Variants in TOMM34 observed in about 807,000 individuals in gnomAD.
The protein encoded by TOMM34 is mitochondrial import receptor subunit TOM34.
In TOMM34, 24 loss-of-function variants were observed where a neutral mutation model predicts 37.4. The observed-to-expected ratio is 0.64, with a 90% confidence interval of 0.46 to 0.90. The LOEUF is 0.90. Among genes scored for constraint, TOMM34 ranks in the 40% least tolerant of loss-of-function variants. The pLI, the probability that TOMM34 is intolerant of heterozygous loss-of-function variation, is 0.00. For synonymous variants in TOMM34, 154 were observed against 148.9 expected, an observed-to-expected ratio of 1.03 and a Z score of -0.25; for missense variants, 304 against 375.6, an observed-to-expected ratio of 0.81 and a Z score of 1.58.
chr20:44,960,008 T>C (rs2067111135), intron 1 of TOMM34, 199 bp downstream of exon 1: 3 of 984,508 alleles, frequency 3.0e-6, no homozygotes, highest in Admixed American at 6.2e-5. Flanking sequence ...CTAAATAACT[T>C]AGGATGGGGG....
intron 5 of TOMM34, among the ~76,000 whole-genome samples, chr20:44,947,223 C>A (rs565865032): frequency 6.6e-6 from 1 of 152,142 alleles, no homozygotes; most frequent in Non-Finnish European, 1.5e-5. Context: ...CAAATTGTGG[C>A]CCCTCTGGTC....
Position 44,956,391 on chromosome 20 carries a change from G to A in TOMM34, c.222C>T (p.Cys74=), listed in dbSNP as rs1272492825. ...DGNCRDCIKD[C]TSALALVPFS... ...AATTACCCTTGGCCACTTACGAAGTGCAATCTTTGATGCAGTCTCTGCAGT... is the reference window on the plus strand; with the variant it reads ...AATTACCCTTGGCCACTTACGAAGTACAATCTTTGATGCAGTCTCTGCAGT... Residue 74 remains cysteine, a synonymous_variant, in exon 2 of 7, where the codon TGC becomes TGT. Transcript: ENST00000372813. 6.2e-7 allele frequency: 1 copy of A among 1,614,024 alleles called. No individual in the cohort carries two copies. The highest frequency in any genetic ancestry group is 1.7e-5 in the Admixed American group (1 of 60,012).
chr20:44,959,892 T>C (rs1427809428), intron 1 of TOMM34: 1 of 982,124 alleles, frequency 1.0e-6, no homozygotes, highest in East Asian at 1.1e-4. Context: ...TTTTTGTGTC[T>C]TGTTACACAG....
At chr20:44,958,229 CCTT>C in intron 1 of TOMM34, 3 of 403,512 alleles carry the variant, frequency 7.4e-6, no homozygotes, top group Non-Finnish European at 1.6e-5. Context: ...TATTGCCTAT[CCTT>C]CTGCAACTTA....
In TOMM34 at chr20:44,951,720, T is replaced by C. The variant is rs2067027807; in HGVS notation, c.550+113A>G. On this transcript the variant is annotated intron_variant, in intron 4 of 6. Coordinates refer to ENST00000372813, the MANE Select transcript of TOMM34 (RefSeq NM_006809.5). ...GACTTGTATTTTGTTTTATACTTTG[T>C]TCCTAAGATTATTTTTATAACTCAG... The C allele has an allele frequency of 8.4e-6, 11 of 1,311,182 alleles. No individual in the cohort carries two copies. The South Asian group carries it at 1.5e-4, about 18-fold the overall frequency. The allele number at this position is 1,311,182 out of a possible 1,614,324, so 81.2% of individuals were successfully genotyped here. A position where few individuals can be genotyped will look rare whatever the true frequency, so the allele number is the denominator to read the frequency against.
intron 5 of TOMM34, among the ~76,000 whole-genome samples, chr20:44,947,212 G>A (rs1025028206): frequency 6.6e-6 from 1 of 152,140 alleles, no homozygotes; most frequent in African/African-American, 2.4e-5. Flanking sequence ...AATTAGCCTG[G>A]CAAATTGTGG....
intron 5 of TOMM34, among the ~76,000 whole-genome samples, chr20:44,946,922 A>G (rs527642934): frequency 3.4e-4 from 52 of 152,372 alleles, no homozygotes; most frequent in Admixed American, 1.4e-3. Context: ...AACATGGGAA[A>G]ATACTAGGAA....
intron 5 of TOMM34, among the ~76,000 whole-genome samples, chr20:44,947,265 G>A (rs759523447): frequency 6.6e-6 from 1 of 152,132 alleles, no homozygotes; most frequent in Non-Finnish European, 1.5e-5. Flanking sequence ...AAAACCACAG[G>A]TGCAAAATTC....
At position 44,951,842 on chromosome 20, in the gene TOMM34, T is replaced by C; in HGVS notation, c.541A>G (p.Lys181Glu). 6.2e-7 allele frequency: 1 copy of C among 1,613,918 alleles called. No homozygotes were observed. The highest frequency in any genetic ancestry group is 1.1e-5 in the South Asian group (1 of 91,068). Residue 181 changes from lysine (K) to glutamate (E), a missense_variant, in exon 4 of 7, where the codon AAG (lysine) becomes GAG (glutamate). Lys to Glu is a moderately conservative substitution (Grantham distance 56). Transcript: ENST00000372813. Reference protein sequence around the residue: ...KSKSKETTATKNRVPSAGDVE... With the variant: ...KSKSKETTATENRVPSAGDVE... ...GGGAGTCACAGCTCACCTCTGTTCT[T>C]TGTAGCTGTGGTTTCTTTGGATTTG...
chr20:44,954,941 G>T, intron 3 of TOMM34, 127 bp downstream of exon 3: 1 of 1,193,994 alleles, frequency 8.4e-7, no homozygotes. Flanking sequence ...TCCCCTACAT[G>T]CCCATCGGGA....
intron 1 of TOMM34, among the ~76,000 whole-genome samples, chr20:44,956,734 A>G (rs563489804): frequency 1.6e-4 from 25 of 152,334 alleles, no homozygotes; most frequent in African/African-American, 5.5e-4. Flanking sequence ...ACTGAACTTG[A>G]TAACAGACAA....
intron 6 of TOMM34, 109 bp from the exon 7 acceptor site, chr20:44,943,322 G>C (rs2066951860): frequency 6.3e-7 from 1 of 1,592,842 alleles, no homozygotes; most frequent in African/African-American, 1.3e-5. Context: ...CCTGCTCTGA[G>C]TTATCCTGGG....
chr20:44,955,105 C>T lies in TOMM34; in HGVS notation c.343G>A (p.Asp115Asn), dbSNP rs1458382477. ...YVDYKTVLQI[D>N]DNVTSAVEGI... ...TCTACGGCTGACGTCACATTATCAT[C>T]AATCTGCAGCACAGTCTTATAGTCA... Residue 115 changes from aspartate to asparagine, a missense_variant, in exon 3 of 7, where the codon GAT becomes AAT. Physicochemically the swap from Asp to Asn is conservative, Grantham distance 23. Coordinates refer to ENST00000372813, the MANE Select transcript of TOMM34 (RefSeq NM_006809.5). The T allele has an allele frequency of 6.2e-7, 1 of 1,614,054 alleles. No homozygotes were observed. The highest frequency in any genetic ancestry group is 8.5e-7 in the Non-Finnish European group (1 of 1,180,038).
chr20:44,948,713 A>C lies in TOMM34; in HGVS notation c.698+17T>G. On this transcript the variant is annotated intron_variant, in intron 5 of 6. Transcript: ENST00000372813. Reference sequence around the variant, plus strand: ...ATGTCCTGAAATGCCCCAGGCCAGCAGCTGTATAGGAGATACCTGTTGCTG... The same window carrying C: ...ATGTCCTGAAATGCCCCAGGCCAGCCGCTGTATAGGAGATACCTGTTGCTG... The C allele has an allele frequency of 1.9e-6, 3 of 1,613,602 alleles. No individual in the cohort carries two copies. In the South Asian group the frequency reaches 3.3e-5, roughly 18 times the overall value.
rs1021535512 is a variant in TOMM34 at position 44,942,842 on chromosome 20, G to A, written c.*267C>T. On this transcript the variant is annotated 3_prime_UTR_variant, in exon 7 of 7. Coordinates refer to ENST00000372813, the MANE Select transcript of TOMM34 (RefSeq NM_006809.5). ...ATCTGTTGGTGTGATCAGCTAGCTG[G>A]GCTGGGGGAATAGGGACAGAGCTTC... 8 of 539,610 alleles carry A rather than the reference G, an allele frequency of 1.5e-5. No individual in the cohort carries two copies. Among genetic ancestry groups the A allele is most frequent in the African/African-American group, 1.1e-4 (6 of 52,444 alleles). The allele number at this position is 539,610 out of a possible 1,614,324, so 33.4% of individuals were successfully genotyped here. A position where few individuals can be genotyped will look rare whatever the true frequency, so the allele number is the denominator to read the frequency against.
intron 4 of TOMM34, among the ~76,000 whole-genome samples, chr20:44,949,237 A>G (rs1475748798): frequency 1.3e-5 from 2 of 152,346 alleles, no homozygotes; most frequent in East Asian, 3.9e-4. Context: ...CACCAATAAA[A>G]TAGGGCAATA....
rs781245530 is a variant in TOMM34 at position 44,956,503 on chromosome 20, G to A, written c.128-18C>T. ...TGAAGAACCTGCCCAGATAGAGTGG[G>A]GAAGATGATCAGTTTGGAAAATGGG... On this transcript the variant is annotated intron_variant, in intron 1 of 6. Coordinates refer to ENST00000372813, the MANE Select transcript of TOMM34 (RefSeq NM_006809.5). 4.5e-5 allele frequency: 73 copies of A among 1,613,422 alleles called. No homozygotes were observed. In the Admixed American group the frequency reaches 1.2e-3, roughly 27 times the overall value.
chr20:44,948,265 G>C (rs1378013290), intron 5 of TOMM34, among the ~76,000 whole-genome samples: 2 of 152,144 alleles, frequency 1.3e-5, no homozygotes, highest in Non-Finnish European at 2.9e-5. Flanking sequence ...TAACCTTTCA[G>C]GCTAGACTGT....
At chr20:44,955,035 C>T (rs1439511750) in intron 3 of TOMM34, 33 bp downstream of exon 3, 1 of 1,610,772 alleles carries the variant, frequency 6.2e-7, no homozygotes, top group East Asian at 2.2e-5. Context: ...CAGGGAGTTG[C>T]CGTGGAGACC....
Sources: allele counts gnomAD v4.1 joint callset (sites outside exome capture counted in the v4.1 genomes callset), GRCh38; gene constraint gnomAD v4.1.1; transcripts MANE v1.5; gene names NCBI Gene and HGNC (gene_info 2026-07-23, HGNC 2026-07-21).